The following FUZ variants were observed in gnomAD, a reference collection of about 807,000 sequenced individuals.
FUZ encodes fuzzy planar cell polarity protein, also known as protein fuzzy homolog.
A neutral mutation model predicts 43.1 loss-of-function variants in FUZ; 31 were observed. The observed-to-expected ratio is 0.72, with a 90% confidence interval of 0.54 to 0.97. The LOEUF (loss-of-function observed/expected upper bound fraction) is 0.97, where lower values mean the gene tolerates loss of function less well. Ranked by LOEUF, FUZ falls within the 50% of genes least tolerant of loss-of-function variation. The pLI is 0.00. For synonymous variants in FUZ, 274 were observed against 250.0 expected, an observed-to-expected ratio of 1.10 and a Z score of -0.91; for missense variants, 539 against 543.8, an observed-to-expected ratio of 0.99 and a Z score of 0.09.
In FUZ at chr19:49,809,482, GCCA is replaced by G; in HGVS notation, c.583_585del (p.Trp195del). 1 of 1,583,296 alleles carries G rather than the reference GCCA, an allele frequency of 6.3e-7. No homozygotes were observed. Among genetic ancestry groups the G allele is most frequent in the Non-Finnish European group, 8.6e-7 (1 of 1,169,040 alleles). On this transcript the variant is annotated inframe_deletion, in exon 6 of 11. Coordinates refer to ENST00000313777, the MANE Select transcript of FUZ (RefSeq NM_025129.5). This position sits in a 1 kb window ranked among gnomAD's most constrained non-coding sequence, Gnocchi z 5.1. ...AGCACGGCCTCGGGCGTCCCCAGCC[GCCA>G]CCAACCCTCTGTTGCTGCCACCACC...
chr19:49,813,375 T>C (rs1158273035), upstream of FUZ: 1 of 552,552 alleles, frequency 1.8e-6, no homozygotes, highest in East Asian at 3.2e-5. Context: ...AAATTGAATT[T>C]GCAAAGCTTT....
Position 49,808,877 on chromosome 19 carries a change from G to A in FUZ, c.787-54C>T. ...GTCATGGGAAGGCGGGGCCGGCGGG[G>A]GAGGTCGGGGGGTGTACAAGGATAG... is the stretch of plus-strand genomic sequence containing the variant. On this transcript the variant is annotated intron_variant, in intron 7 of 10. Coordinates refer to ENST00000313777, the MANE Select transcript of FUZ (RefSeq NM_025129.5). 4 of 1,395,638 alleles carry A rather than the reference G, an allele frequency of 2.9e-6. 1 individual carries two copies. The highest frequency in any genetic ancestry group is 4.4e-4 in the Middle Eastern group (2 of 4,590). 86.5% of individuals were successfully genotyped at this position (1,395,638 alleles called of 1,614,324 possible). A position where few individuals can be genotyped will look rare whatever the true frequency, so the allele number is the denominator to read the frequency against.
chr19:49,807,779 G>T (rs1444751200), intron 10 of FUZ, among the ~76,000 whole-genome samples: 1 of 152,152 alleles, frequency 6.6e-6, no homozygotes, highest in Non-Finnish European at 1.5e-5. Context: ...CTAAGAAGGG[G>T]TGCAGCCCCC....
At chr19:49,812,796 C>T in intron 1 of FUZ, 60 bp from the exon 2 acceptor site, 1 of 1,596,934 alleles carries the variant, frequency 6.3e-7, no homozygotes, top group Non-Finnish European at 8.5e-7. Flanking sequence ...CCCCTTAGGA[C>T]CCAAGTGTGC....
chr19:49,808,130 G>A (rs1442967290), intron 10 of FUZ: 2 of 512,166 alleles, frequency 3.9e-6, no homozygotes, highest in Non-Finnish European at 7.1e-6. Flanking sequence ...AGGATGAAGT[G>A]ATTTCATTCT....
rs557859716 is a variant in FUZ at position 49,806,939 on chromosome 19, TG to T, written c.*211del. 23 of 1,534,212 alleles carry T rather than the reference TG, an allele frequency of 1.5e-5. No individual in the cohort carries two copies. The highest frequency in any genetic ancestry group is 1.6e-5 in the Non-Finnish European group (18 of 1,146,764). ...TGTTCATCTGCTGCTGTTTACATTCTGGGGGGTTAGGGGGAGTCCCCCTCCC... is the reference window on the plus strand; with the variant it reads ...TGTTCATCTGCTGCTGTTTACATTCTGGGGGTTAGGGGGAGTCCCCCTCCC... On this transcript the variant is annotated 3_prime_UTR_variant, in exon 11 of 11. Transcript: ENST00000313777.
rs769347378 is a variant in FUZ at position 49,807,270 on chromosome 19, G to C, written c.1138C>G (p.Leu380Val). 6.2e-7 allele frequency: 1 copy of C among 1,613,336 alleles called. No individual in the cohort carries two copies. Among genetic ancestry groups the C allele is most frequent in the South Asian group, 1.1e-5 (1 of 91,056 alleles). Residue 380 changes from leucine (L) to valine (V), a missense_variant, in exon 11 of 11, where the codon CTG (leucine) becomes GTG (valine). By Grantham distance (32) the Leu-to-Val change is conservative. Coordinates refer to ENST00000313777, the MANE Select transcript of FUZ (RefSeq NM_025129.5). ...CGAAGCCCCAGCTGCAAGGCCACCA[G>C]ACGCACTCCTGTGCCTGGTTCCTCA... ...GTEEPGTGVR[L>V]VALQLGLRRL... is the part of the protein sequence containing the mutation.
intron 4 of FUZ, 80 bp from the exon 5 acceptor site, chr19:49,811,547 C>T (rs1332148182): frequency 1.9e-6 from 3 of 1,570,774 alleles, no homozygotes; most frequent in Non-Finnish European, 2.6e-6. Context: ...GACCAGGCTG[C>T]CCCAGGGGCT....
chr19:49,807,025 T>TCC lies in FUZ; in HGVS notation c.*124_*125dup. 1.6e-6 allele frequency: 1 copy of TCC among 630,710 alleles called. No homozygotes were observed. The highest frequency in any genetic ancestry group is 4.5e-5 in the Admixed American group (1 of 22,122). The allele number at this position is 630,710 out of a possible 1,614,324, so 39.1% of individuals were successfully genotyped here. A position where few individuals can be genotyped will look rare whatever the true frequency, so the allele number is the denominator to read the frequency against. ...CCAGGGAAGTGGATGTCTCCTCCCC[T>TCC]CCCACCCCACCCTGTTGTAGCCCCT... On this transcript the variant is annotated 3_prime_UTR_variant, in exon 11 of 11. Coordinates refer to ENST00000313777, the MANE Select transcript of FUZ (RefSeq NM_025129.5).
At position 49,809,268 on chromosome 19, in the gene FUZ, G is replaced by C. The variant is rs895878948; in HGVS notation, c.691-10C>G. On this transcript the variant is annotated splice_polypyrimidine_tract_variant and intron_variant, in intron 6 of 10. Coordinates refer to ENST00000313777, the MANE Select transcript of FUZ (RefSeq NM_025129.5). This position sits in a 1 kb window ranked among gnomAD's most constrained non-coding sequence, Gnocchi z 5.1. ...GGAGCCGGTGTGGGACCTGAAGCAG[G>C]GCACAGGCTGGGGCTCATCGCGGCC... is the stretch of plus-strand genomic sequence containing the variant. 1.3e-6 allele frequency: 2 copies of C among 1,550,550 alleles called. No individual in the cohort carries two copies. Among genetic ancestry groups the C allele is most frequent in the Non-Finnish European group, 1.7e-6 (2 of 1,146,868 alleles).
At chr19:49,812,477 A>G in intron 2 of FUZ, 138 bp downstream of exon 2, 1 of 1,371,482 alleles carries the variant, frequency 7.3e-7, no homozygotes, top group Non-Finnish European at 1.0e-6. Flanking sequence ...ATCAGGGATC[A>G]AAGAGGGTAA....
In FUZ at chr19:49,808,641, G is replaced by A. The variant is rs1165541799; in HGVS notation, c.894-3C>T. ...GTTCCAGGTGGAGGAGCAGCAGCCTGTGGGAAAGGGAAGGGAATGTCATGG... is the reference window on the plus strand; with the variant it reads ...GTTCCAGGTGGAGGAGCAGCAGCCTATGGGAAAGGGAAGGGAATGTCATGG... On this transcript the variant is annotated splice_region_variant and splice_polypyrimidine_tract_variant and intron_variant, in intron 8 of 10. Transcript: ENST00000313777. The A allele has an allele frequency of 2.5e-6, 4 of 1,613,074 alleles. No individual in the cohort carries two copies. The highest frequency in any genetic ancestry group is 3.4e-6 in the Non-Finnish European group (4 of 1,179,652).
chr19:49,811,523 C>T (rs760551733), intron 4 of FUZ, 56 bp from the exon 5 acceptor site: 7 of 1,588,818 alleles, frequency 4.4e-6, no homozygotes, highest in Non-Finnish European at 6.1e-6. Flanking sequence ...GGTCAGACAA[C>T]CAAGAACCTG....
chr19:49,812,270 TG>T lies in FUZ; in HGVS notation c.298del (p.Gln100LysfsTer16). The T allele has an allele frequency of 8.1e-6, 13 of 1,613,786 alleles. No individual in the cohort carries two copies. The highest frequency in any genetic ancestry group is 1.0e-5 in the Non-Finnish European group (12 of 1,179,704). ...ISELRLERLL[Q>X]MVFGAMVLLV... ...TCTCACCATGGCTCCAAACACCATT[TG>T]GAGTAGTCTCTCCAGCCTCAGCTCA... On this transcript the variant is annotated frameshift_variant, in exon 3 of 11. Transcript: ENST00000313777. LOFTEE classifies it high-confidence loss of function.
chr19:49,807,430 C>G (rs887962090), intron 10 of FUZ, 56 bp from the exon 11 acceptor site: 15 of 1,508,724 alleles, frequency 9.9e-6, no homozygotes, highest in African/African-American at 8.3e-5. Flanking sequence ...CCTTTGCAAG[C>G]CACACCACAT....
Position 49,808,649 on chromosome 19 carries a change from G to A in FUZ, c.894-11C>T. Reference sequence around the variant, plus strand: ...TGGAGGAGCAGCAGCCTGTGGGAAAGGGAAGGGAATGTCATGGCTGGGGAA... The same window carrying A: ...TGGAGGAGCAGCAGCCTGTGGGAAAAGGAAGGGAATGTCATGGCTGGGGAA... On this transcript the variant is annotated splice_polypyrimidine_tract_variant and intron_variant, in intron 8 of 10. Coordinates refer to ENST00000313777, the MANE Select transcript of FUZ (RefSeq NM_025129.5). 6.2e-7 allele frequency: 1 copy of A among 1,613,012 alleles called. No homozygotes were observed. Among genetic ancestry groups the A allele is most frequent in the Non-Finnish European group, 8.5e-7 (1 of 1,179,570 alleles).
chr19:49,810,610 C>G (rs1468992744), intron 5 of FUZ, among the ~76,000 whole-genome samples: 1 of 145,268 alleles, frequency 6.9e-6, no homozygotes, highest in Non-Finnish European at 1.5e-5. Context: ...ACCCAGGAGG[C>G]AGAGGTTGCA....
chr19:49,813,085 C>T lies in FUZ; in HGVS notation c.22G>A (p.Gly8Ser), dbSNP rs905504774. Reference sequence around the variant, plus strand: ...GCGAGGCACAGCAGATGCACAGTGCCGCCCGTCCCCTCCTCCCCCATTTAG... The same window carrying T: ...GCGAGGCACAGCAGATGCACAGTGCTGCCCGTCCCCTCCTCCCCCATTTAG... MGEEGTG[G>S]TVHLLCLAAS... Residue 8 changes from glycine to serine, a missense_variant, in exon 1 of 11, where the codon GGC becomes AGC. Gly to Ser is a moderately conservative substitution (Grantham distance 56). Coordinates refer to ENST00000313777, the MANE Select transcript of FUZ (RefSeq NM_025129.5). 6.4e-7 allele frequency: 1 copy of T among 1,551,364 alleles called. No homozygotes were observed. The highest frequency in any genetic ancestry group is 8.7e-7 in the Non-Finnish European group (1 of 1,146,950).
chr19:49,812,773 C>G (rs368184234), intron 1 of FUZ, 37 bp from the exon 2 acceptor site: 6 of 1,610,008 alleles, frequency 3.7e-6, no homozygotes, highest in Non-Finnish European at 5.1e-6. Flanking sequence ...AAGAGCACCC[C>G]CCCATCCCCT....
Sources: allele counts gnomAD v4.1 joint callset (sites outside exome capture counted in the v4.1 genomes callset), GRCh38; gene constraint gnomAD v4.1.1; non-coding constraint Gnocchi (gnomAD v3.1); transcripts MANE v1.5; gene names NCBI Gene and HGNC (gene_info 2026-07-23, HGNC 2026-07-21).